Variants in PALD1 observed in about 807,000 individuals in gnomAD.
PALD1 encodes the protein phosphatase domain containing paladin 1.
Under a neutral mutation model 96.0 loss-of-function variants are expected in PALD1, and 57 were observed. The ratio of observed to expected loss-of-function variants is 0.59; its 90% confidence interval spans 0.48 to 0.74. The LOEUF is 0.74. PALD1 is among the 30% of genes least tolerant of loss of function. PALD1 has a pLI of 0.00. For missense variants in PALD1, 1,063 were observed against 1,143.7 expected, an observed-to-expected ratio of 0.93 and a Z score of 1.02; for synonymous variants, 464 against 473.6, an observed-to-expected ratio of 0.98 and a Z score of 0.26.
chr10:70,505,905 C>T (rs558958015), intron 1 of PALD1, among the ~76,000 whole-genome samples: 118 of 152,056 alleles, frequency 7.8e-4, no homozygotes, highest in Non-Finnish European at 1.5e-3. Flanking sequence ...CCTGTAGTCC[C>T]AGCTATTTGG....
chr10:70,498,938 A>G (rs1437013486), intron 1 of PALD1, among the ~76,000 whole-genome samples: 1 of 152,098 alleles, frequency 6.6e-6, no homozygotes. Context: ...CAGAAAAAAA[A>G]AAAAAGGTAT....
Position 70,540,735 on chromosome 10 carries a change from AG to A in PALD1, c.1909-366del, listed in dbSNP as rs1432974731. On this transcript the variant is annotated intron_variant, in intron 15 of 19. Transcript: ENST00000263563. The surrounding 1 kb of genome is among the most constrained non-coding windows in gnomAD (Gnocchi z 4.2). The stretch of plus-strand genomic sequence containing the variant: ...CCATGGTGGGACCAGGGCTGGGTCC[AG>A]CTCAGGTGGGTGGCAGGGCCAGCAG... 2.6e-5 allele frequency among the ~76,000 whole-genome samples: 4 copies of A among 152,156 alleles called. No individual in the cohort carries two copies. The highest frequency in any genetic ancestry group is 9.7e-5 in the African/African-American group (4 of 41,424).
intron 16 of PALD1, 89 bp downstream of exon 16, chr10:70,541,331 G>A: frequency 1.3e-6 from 2 of 1,534,722 alleles, no homozygotes; most frequent in Non-Finnish European, 8.9e-7. Context: ...ACAGGAGGGT[G>A]TGAGGGGCAG....
chr10:70,472,887 A>G, the PALD1 span, among the ~76,000 whole-genome samples: 1 of 152,062 alleles, frequency 6.6e-6, no homozygotes, highest in Non-Finnish European at 1.5e-5. Context: ...CCTATTATGA[A>G]CTTCCTCTCA....
At chr10:70,545,840 C>T (rs1209622860) in intron 17 of PALD1, among the ~76,000 whole-genome samples, 1 of 152,068 alleles carries the variant, frequency 6.6e-6, no homozygotes, top group Non-Finnish European at 1.5e-5. Context: ...GCTTCTTACA[C>T]CCCCTCCTCA....
chr10:70,533,604 C>G (rs1325805512), intron 7 of PALD1, among the ~76,000 whole-genome samples: 1 of 152,202 alleles, frequency 6.6e-6, no homozygotes, highest in Non-Finnish European at 1.5e-5. Context: ...TTTCCTGAGT[C>G]CTGGCGGAGT....
the PALD1 span, among the ~76,000 whole-genome samples, chr10:70,472,684 G>A: frequency 2.9e-3 from 446 of 152,206 alleles, 4 homozygotes; most frequent in African/African-American, 0.01. Flanking sequence ...GTCTTTCCCA[G>A]TGTCCAGAGC....
At chr10:70,474,994 A>G (rs1390400490), upstream of PALD1, among the ~76,000 whole-genome samples, 1 of 152,174 alleles carries the variant, frequency 6.6e-6, no homozygotes, top group Non-Finnish European at 1.5e-5. Flanking sequence ...GTTCAGGGCT[A>G]GGTCATGGTG....
intron 1 of PALD1, among the ~76,000 whole-genome samples, chr10:70,491,648 C>T (rs893125229): frequency 6.6e-6 from 1 of 152,160 alleles, no homozygotes; most frequent in Non-Finnish European, 1.5e-5. Flanking sequence ...AGTGACAGTA[C>T]ATTTGCAATG....
chr10:70,471,229 G>A, the PALD1 span, among the ~76,000 whole-genome samples: 1 of 152,324 alleles, frequency 6.6e-6, no homozygotes, highest in South Asian at 2.1e-4. Context: ...AAAGTGCTTG[G>A]ATTATAGGCA....
chr10:70,560,785 C>T (rs1490853646), intron 18 of PALD1, among the ~76,000 whole-genome samples: 1 of 152,074 alleles, frequency 6.6e-6, no homozygotes, highest in Admixed American at 6.5e-5. Flanking sequence ...CCTCTCCTGG[C>T]CCTCTTCTAT....
At chr10:70,547,175 C>T in intron 17 of PALD1, 131 bp from the exon 18 acceptor site, 1 of 759,788 alleles carries the variant, frequency 1.3e-6, no homozygotes, top group Non-Finnish European at 2.3e-6. Context: ...AACTGAGGAG[C>T]AGGCAGGGCT....
At chr10:70,469,731 G>A in the PALD1 span, among the ~76,000 whole-genome samples, 2 of 151,984 alleles carry the variant, frequency 1.3e-5, no homozygotes, top group African/African-American at 4.8e-5. Context: ...CAGAGGCAAG[G>A]GGGTTTAGTA....
chr10:70,499,272 G>A (rs527870641), intron 1 of PALD1, among the ~76,000 whole-genome samples: 1 of 152,342 alleles, frequency 6.6e-6, no homozygotes, highest in Non-Finnish European at 1.5e-5. Flanking sequence ...CAGGCTTAGA[G>A]TTATTTCTTC....
intron 1 of PALD1, among the ~76,000 whole-genome samples, chr10:70,507,406 C>CT (rs1202152480): frequency 6.6e-6 from 1 of 152,134 alleles, no homozygotes; most frequent in Admixed American, 6.5e-5. Flanking sequence ...GAGCGAAACT[C>CT]TGTCTCAAAA....
chr10:70,523,615 A>T (rs1159840021), intron 1 of PALD1, among the ~76,000 whole-genome samples: 1 of 151,926 alleles, frequency 6.6e-6, no homozygotes, highest in African/African-American at 2.4e-5. Flanking sequence ...CATTCCCTCC[A>T]CCCTTGCCAA....
intron 1 of PALD1, among the ~76,000 whole-genome samples, chr10:70,518,407 G>C (rs1846659208): frequency 1.3e-5 from 2 of 152,194 alleles, no homozygotes; most frequent in African/African-American, 4.8e-5. Context: ...CCATTAGTAA[G>C]AAATTACAAA....
At chr10:70,562,570 G>A (rs564721686) in intron 18 of PALD1, among the ~76,000 whole-genome samples, 5 of 152,326 alleles carry the variant, frequency 3.3e-5, no homozygotes, top group East Asian at 3.9e-4. Context: ...AGCCCTTTCC[G>A]GCTCCCAGAG....
At chr10:70,546,506 C>T (rs1262278995) in intron 17 of PALD1, among the ~76,000 whole-genome samples, 1 of 152,170 alleles carries the variant, frequency 6.6e-6, no homozygotes, top group African/African-American at 2.4e-5. Flanking sequence ...TTGGCTGTGG[C>T]AGTCCCGTTT....
Sources: allele counts gnomAD v4.1 joint callset (sites outside exome capture counted in the v4.1 genomes callset), GRCh38; gene constraint gnomAD v4.1.1; non-coding constraint Gnocchi (gnomAD v3.1); transcripts MANE v1.5; gene names NCBI Gene and HGNC (gene_info 2026-07-23, HGNC 2026-07-21).